CSMD1: variants seen among roughly 807,000 people sequenced by gnomAD.
CSMD1 encodes CUB and sushi domain-containing protein 1.
A neutral mutation model predicts 417.5 loss-of-function variants in CSMD1; 213 were observed. The ratio of observed to expected loss-of-function variants is 0.51; its 90% CI spans 0.46 to 0.57. The LOEUF is 0.57. CSMD1 is among the 20% of genes least tolerant of loss of function. The pLI is 0.00. For missense variants in CSMD1, 6,923 were observed against 4,529.7 expected (o/e 1.53, Z -15.17); for synonymous variants, 2,862 against 1,736.8 (o/e 1.65, Z -16.11).
intron 3 of CSMD1, among the ~76,000 whole-genome samples, chr8:4,133,422 A>G (rs893096003): frequency 6.6e-6 from 1 of 152,208 alleles, no homozygotes; most frequent in South Asian, 2.1e-4. Context: ...TGTTCCTAAC[A>G]TAAATTTAAA....
chr8:4,789,530 C>A (rs1232040509), intron 1 of CSMD1, among the ~76,000 whole-genome samples: 2 of 152,130 alleles, frequency 1.3e-5, no homozygotes, highest in Non-Finnish European at 2.9e-5. Flanking sequence ...TTTTACTGTG[C>A]ATCTACCTGG....
intron 3 of CSMD1, among the ~76,000 whole-genome samples, chr8:4,211,162 G>A (rs369142119): frequency 6.6e-6 from 1 of 150,888 alleles, no homozygotes; most frequent in South Asian, 2.1e-4. Flanking sequence ...ATTTATCCAG[G>A]AAAAACATCC....
At chr8:3,624,694 G>T (rs534990006) in intron 7 of CSMD1, among the ~76,000 whole-genome samples, 1 of 152,260 alleles carries the variant, frequency 6.6e-6, no homozygotes, top group Admixed American at 6.5e-5. Context: ...GATGAGCTTT[G>T]TTTGAGTGAC....
intron 3 of CSMD1, among the ~76,000 whole-genome samples, chr8:4,053,283 C>T (rs138364619): frequency 6.6e-5 from 10 of 152,344 alleles, no homozygotes; most frequent in African/African-American, 1.7e-4. Flanking sequence ...TATTTTATCA[C>T]TGACAGTGCT....
At chr8:4,847,805 G>T (rs1252334435) in intron 1 of CSMD1, among the ~76,000 whole-genome samples, 2 of 147,496 alleles carry the variant, frequency 1.4e-5, no homozygotes, top group African/African-American at 5.0e-5. Context: ...GACGGCTTGA[G>T]ATATAAGTTC....
chr8:3,046,605 ACCACGGTACAGTGTACCC>A (rs1296622811), intron 50 of CSMD1, among the ~76,000 whole-genome samples: 4 of 152,082 alleles, frequency 2.6e-5, no homozygotes, highest in African/African-American at 4.8e-5. Flanking sequence ...TTCTCCCTCC[ACCACGGTACAGTGTACCC>A]CCAGGCAGGC....
chr8:3,885,519 T>C (rs1483863271), intron 5 of CSMD1, among the ~76,000 whole-genome samples: 3 of 152,176 alleles, frequency 2.0e-5, no homozygotes, highest in Admixed American at 2.0e-4. Context: ...AGATGGTCTG[T>C]TGTCTCAGAA....
intron 3 of CSMD1, among the ~76,000 whole-genome samples, chr8:4,064,238 G>C (rs1302268845): frequency 6.6e-6 from 1 of 152,156 alleles, no homozygotes; most frequent in Non-Finnish European, 1.5e-5. Context: ...GTGGTCATTC[G>C]CTGATGGAAA....
At chr8:4,674,437 G>T (rs947653130) in intron 1 of CSMD1, among the ~76,000 whole-genome samples, 30 of 152,126 alleles carry the variant, frequency 2.0e-4, no homozygotes, top group Non-Finnish European at 2.9e-5. Context: ...TGCCAGGATG[G>T]GAAGGTCTCA....
intron 41 of CSMD1, among the ~76,000 whole-genome samples, chr8:3,139,203 C>G (rs1209711498): frequency 6.6e-6 from 1 of 152,112 alleles, no homozygotes; most frequent in Admixed American, 6.5e-5. Flanking sequence ...GAGCTGGAGG[C>G]ACAGGCACAA....
chr8:3,917,915 T>C (rs768359962), intron 5 of CSMD1, among the ~76,000 whole-genome samples: 1 of 152,130 alleles, frequency 6.6e-6, no homozygotes, highest in African/African-American at 2.4e-5. Context: ...AAGTTCTCAG[T>C]GTGTTTTTTA....
intron 10 of CSMD1, among the ~76,000 whole-genome samples, chr8:3,494,554 T>TGATAGATAGGTAGGTA (rs1202224581): frequency 6.9e-6 from 1 of 145,634 alleles, no homozygotes; most frequent in African/African-American, 2.6e-5. Context: ...ACAGATTAGA[T>TGATAGATAGGTAGGTA]GATAGATAGA....
intron 1 of CSMD1, among the ~76,000 whole-genome samples, chr8:4,980,420 G>T (rs1380451464): frequency 6.6e-6 from 1 of 152,216 alleles, no homozygotes; most frequent in African/African-American, 2.4e-5. Context: ...TCTTGTGTGT[G>T]TGGGAAGGAA....
chr8:3,538,835 T>C (rs1220529696), intron 10 of CSMD1, among the ~76,000 whole-genome samples: 1 of 152,174 alleles, frequency 6.6e-6, no homozygotes, highest in Non-Finnish European at 1.5e-5. Context: ...TCCTCTCACC[T>C]GGAGTGCTGC....
intron 3 of CSMD1, among the ~76,000 whole-genome samples, chr8:4,089,858 T>A (rs1330437301): frequency 6.6e-6 from 1 of 152,138 alleles, no homozygotes; most frequent in African/African-American, 2.4e-5. Flanking sequence ...GGTGGTGGGA[T>A]CTCACCACAG....
intron 49 of CSMD1, among the ~76,000 whole-genome samples, chr8:3,063,014 G>C (rs1812684968): frequency 6.6e-6 from 1 of 152,136 alleles, no homozygotes; most frequent in Non-Finnish European, 1.5e-5. Flanking sequence ...ACACTGCTGT[G>C]TGTCATAAAA....
chr8:3,354,975 C>G (rs12156347), intron 21 of CSMD1, among the ~76,000 whole-genome samples: 25,916 of 129,720 alleles, frequency 0.2, 2,300 homozygotes, highest in Middle Eastern at 0.25. Flanking sequence ...TAGTGTTAAA[C>G]TAGATATAAA....
intron 15 of CSMD1, among the ~76,000 whole-genome samples, chr8:3,404,788 G>C (rs545481267): frequency 1.2e-3 from 184 of 150,188 alleles, no homozygotes; most frequent in African/African-American, 4.2e-3. Context: ...TGCATCCTCT[G>C]TTTTTCACAT....
At chr8:3,804,414 T>C (rs1676539978) in intron 5 of CSMD1, among the ~76,000 whole-genome samples, 2 of 152,194 alleles carry the variant, frequency 1.3e-5, no homozygotes, top group South Asian at 2.1e-4. Context: ...TTAAATTTTG[T>C]TCCAGAAAAT....
Sources: allele counts gnomAD v4.1 joint callset (sites outside exome capture counted in the v4.1 genomes callset), GRCh38; gene constraint gnomAD v4.1.1; transcripts MANE v1.5; gene names NCBI Gene and HGNC (gene_info 2026-07-23, HGNC 2026-07-21).